The following MYH8 variants were observed in gnomAD, a reference collection of about 807,000 sequenced individuals.
MYH8 encodes myosin-8.
Under a neutral mutation model 233.2 loss-of-function variants are expected in MYH8, and 168 were observed. The observed-to-expected ratio is 0.72, with a 90% CI of 0.64 to 0.82. The LOEUF (loss-of-function observed/expected upper bound fraction) is 0.82, where lower values mean the gene tolerates loss of function less well. MYH8 is among the 40% of genes least tolerant of loss of function. The probability of loss-of-function intolerance (pLI) is 0.00; values close to 1 mark genes in which losing one functional copy is unlikely to be tolerated. For missense variants in MYH8, 1,995 were observed against 2,327.8 expected (o/e 0.86, Z 2.94); for synonymous variants, 785 against 850.6 (o/e 0.92, Z 1.34).
chr17:10,390,719 T>C, intron 39 of MYH8, 116 bp from the exon 40 acceptor site: 13 of 1,188,628 alleles, frequency 1.1e-5, no homozygotes, highest in Non-Finnish European at 1.6e-5. Flanking sequence ...ATTTAGCATA[T>C]CCGACTTTAA....
In MYH8 at chr17:10,417,546, G is replaced by A. The variant is rs1437491123; in HGVS notation, c.511+1099C>T. On this transcript the variant is annotated intron_variant, in intron 5 of 39. Coordinates refer to ENST00000403437, the MANE Select transcript of MYH8 (RefSeq NM_002472.3). This position sits in a 1 kb window ranked among gnomAD's most constrained non-coding sequence, Gnocchi z 4.1. Reference sequence around the variant, plus strand: ...AAAGGCTAGAGCTCTGTACCATTTTGTACAAAAATCATGTTTGGGAGCCAT... The same window carrying A: ...AAAGGCTAGAGCTCTGTACCATTTTATACAAAAATCATGTTTGGGAGCCAT... 6.6e-6 allele frequency among the ~76,000 whole-genome samples: 1 copy of A among 152,172 alleles called. No individual in the cohort carries two copies. Among genetic ancestry groups the A allele is most frequent in the Non-Finnish European group, 1.5e-5 (1 of 68,028 alleles).
rs1019644932 is a variant in MYH8, at chr17:10,413,888, G to A, written c.1147+14C>T. On this transcript the variant is annotated intron_variant, in intron 12 of 39. Transcript: ENST00000403437. ...CATTCTCTCATTAAACCCAGATAAA[G>A]TTTCATTTGGTACCTTCTGTGCCAT... is the stretch of plus-strand genomic sequence containing the variant. The A allele has an allele frequency of 1.2e-6, 2 of 1,613,928 alleles. No homozygotes were observed. Among genetic ancestry groups the A allele is most frequent in the South Asian group, 1.1e-5 (1 of 91,058 alleles).
rs370489044 is a variant in MYH8, at chr17:10,416,268, T to A, written c.512-560A>T. The stretch of plus-strand genomic sequence containing the variant: ...TGGTGTCCTCAAGGTTCATTCATAT[T>A]TTAGCATATGTCAGAGTTTCCTTCC... On this transcript the variant is annotated intron_variant, in intron 5 of 39. Transcript: ENST00000403437. 7.9e-5 allele frequency among the ~76,000 whole-genome samples: 12 copies of A among 152,336 alleles called. 1 individual carries two copies. In the South Asian group the frequency reaches 2.1e-3, roughly 26 times the overall value.
At chr17:10,405,062 G>A (rs150061142) in intron 21 of MYH8, among the ~76,000 whole-genome samples, 31 of 152,208 alleles carry the variant, frequency 2.0e-4, no homozygotes, top group East Asian at 7.7e-4. Flanking sequence ...TAAACTGAGC[G>A]AATGATTTGT....
chr17:10,401,306 G>A lies in MYH8; in HGVS notation c.3077C>T (p.Ala1026Val), dbSNP rs755347864. Residue 1026 changes from alanine (A) to valine (V), a missense_variant, in exon 24 of 40, where the codon GCT becomes GTT. Physicochemically the swap from Ala to Val is moderately conservative, Grantham distance 64 (BLOSUM62 0). Around this residue, in one of 3 missense-constraint regions of MYH8, gnomAD observed 1,498 missense variants for 1,680.9 expected, o/e 0.89. Coordinates refer to ENST00000403437, the MANE Select transcript of MYH8 (RefSeq NM_002472.3). ...CACTTGCTGTTCTAGCTTGGTTTTA[G>A]CTTTGGTCAGGATGTTGACTTTGTC... ...EEDKVNILTK[A>V]KTKLEQQVDD... 6.2e-7 allele frequency: 1 copy of A among 1,614,108 alleles called. No homozygotes were observed. The highest frequency in any genetic ancestry group is 8.5e-7 in the Non-Finnish European group (1 of 1,180,030).
In MYH8 at chr17:10,415,519, T is replaced by C. The variant is rs777624162; in HGVS notation, c.601A>G (p.Ile201Val). ...TTCTTCTTCTCTCCAGTAACTGCAA[T>C]TGTTGCAAAGTATTGGATGACACGC... ...TKRVIQYFAT[I>V]AVTGEKKKDE... The change falls in exon 7 of 40, where the codon ATT (isoleucine) becomes GTT (valine). Residue 201 changes from isoleucine (I) to valine (V), a missense_variant. Coordinates refer to ENST00000403437, the MANE Select transcript of MYH8 (RefSeq NM_002472.3). This position sits in a 1 kb window ranked among gnomAD's most constrained non-coding sequence, Gnocchi z 4.1. 2.5e-5 allele frequency: 41 copies of C among 1,614,094 alleles called. No individual in the cohort carries two copies. The East Asian group carries it at 4.5e-4, about 18-fold the overall frequency.
In MYH8 at chr17:10,396,779, T is replaced by TA; in HGVS notation, c.4362+23dup. The stretch of plus-strand genomic sequence containing the variant: ...AAAGGAAGACCGAGTAAAACACTCT[T>TA]AAAGTTTAAGCAGTCTGGGCCACCT... On this transcript the variant is annotated intron_variant, in intron 31 of 39. Transcript: ENST00000403437. The surrounding 1 kb of genome is among the most constrained non-coding windows in gnomAD (Gnocchi z 4.2). 2 of 1,614,228 alleles carry TA rather than the reference T, an allele frequency of 1.2e-6. No homozygotes were observed. Among genetic ancestry groups the TA allele is most frequent in the Non-Finnish European group, 1.7e-6 (2 of 1,180,032 alleles).
intron 14 of MYH8, among the ~76,000 whole-genome samples, chr17:10,411,851 C>T (rs984693197): frequency 5.3e-5 from 8 of 152,082 alleles, no homozygotes; most frequent in Admixed American, 1.3e-4. Flanking sequence ...ATAATTTACT[C>T]CTTTATTTTA....
Position 10,396,511 on chromosome 17 carries a change from C to A in MYH8, c.4528+42G>T, listed in dbSNP as rs370989945. ...AGAAAGATGGCAACATGGAAAGGTC[C>A]TCCCAGGGATATATGGAGTAGGGAG... is the stretch of plus-strand genomic sequence containing the variant. On this transcript the variant is annotated intron_variant, in intron 32 of 39. Coordinates refer to ENST00000403437, the MANE Select transcript of MYH8 (RefSeq NM_002472.3). This position sits in a 1 kb window ranked among gnomAD's most constrained non-coding sequence, Gnocchi z 4.2. The A allele has an allele frequency of 1.7e-5, 28 of 1,613,740 alleles. No homozygotes were observed. Among genetic ancestry groups the A allele is most frequent in the Non-Finnish European group, 2.2e-5 (26 of 1,179,882 alleles).
chr17:10,396,817 T>C lies in MYH8; in HGVS notation c.4348A>G (p.Arg1450Gly). Residue 1450 changes from arginine to glycine, a missense_variant, in exon 31 of 40, where the codon AGG becomes GGG. Physicochemically the swap from Arg to Gly is moderately radical, Grantham distance 125. Around this residue, in one of 3 missense-constraint regions of MYH8, gnomAD observed 1,498 missense variants for 1,680.9 expected, o/e 0.89. Transcript: ENST00000403437. The surrounding 1 kb of genome is among the most constrained non-coding windows in gnomAD (Gnocchi z 4.2). ...AACAALDKKQ[R>G]NFDKVLSEWK... ...GTCTGGGCCACCTTGTCAAAGTTCCTTTGCTTCTTATCAAGGGCTGCACAG... is the reference window on the plus strand; with the variant it reads ...GTCTGGGCCACCTTGTCAAAGTTCCCTTGCTTCTTATCAAGGGCTGCACAG... 1 of 1,614,214 alleles carries C rather than the reference T, an allele frequency of 6.2e-7. No homozygotes were observed.
At chr17:10,393,036 TTGA>T in intron 36 of MYH8, 35 bp from the exon 37 acceptor site, 1 of 1,614,212 alleles carries the variant, frequency 6.2e-7, no homozygotes, top group African/African-American at 1.3e-5. Flanking sequence ...GTAATGAAAC[TTGA>T]TGATAGCAGG....
chr17:10,418,604 C>G (rs746678232), intron 5 of MYH8, 41 bp downstream of exon 5: 6 of 1,612,806 alleles, frequency 3.7e-6, no homozygotes, highest in Non-Finnish European at 5.1e-6. Flanking sequence ...TGCAAAGATT[C>G]TATTTACACA....
At chr17:10,393,663 AT>A (rs2072050311) in intron 35 of MYH8, among the ~76,000 whole-genome samples, 1 of 152,208 alleles carries the variant, frequency 6.6e-6, no homozygotes, top group African/African-American at 2.4e-5. Context: ...TGTTCTTAAG[AT>A]TTCAACTCAG....
In MYH8 at chr17:10,416,763, C is replaced by T. The variant is rs28483876; in HGVS notation, c.512-1055G>A. Among the ~76,000 whole-genome samples, 1,319 of 152,230 alleles carry T rather than the reference C, an allele frequency of 8.7e-3. 17 individuals are homozygous for T. Among genetic ancestry groups the T allele is most frequent in the African/African-American group, 0.031 (1,268 of 41,532 alleles). On this transcript the variant is annotated intron_variant, in intron 5 of 39. Transcript: ENST00000403437. The stretch of plus-strand genomic sequence containing the variant: ...TCCCCATGTGCCCATCATACAGATG[C>T]AATGGTTATTAATATTTGGCCAATT...
intron 17 of MYH8, 94 bp from the exon 18 acceptor site, chr17:10,407,073 A>G (rs1000635142): frequency 1.3e-5 from 12 of 910,680 alleles, no homozygotes; most frequent in Non-Finnish European, 2.1e-5. Flanking sequence ...TCCTTTAACT[A>G]CTAGGCATGC....
chr17:10,416,137 C>T (rs893354428), intron 5 of MYH8, among the ~76,000 whole-genome samples: 1 of 152,138 alleles, frequency 6.6e-6, no homozygotes, highest in African/African-American at 2.4e-5. Flanking sequence ...CCCTGGCGCC[C>T]ACCATTCTAC....
At chr17:10,418,097 A>AT (rs1422508339) in intron 5 of MYH8, among the ~76,000 whole-genome samples, 1 of 152,158 alleles carries the variant, frequency 6.6e-6, no homozygotes, top group Non-Finnish European at 1.5e-5. Context: ...CTCAGAAAAG[A>AT]TTTTTTCCTT....
At chr17:10,409,686 A>C in intron 15 of MYH8, 98 bp from the exon 16 acceptor site, 1 of 1,485,220 alleles carries the variant, frequency 6.7e-7, no homozygotes, top group Admixed American at 1.8e-5. Flanking sequence ...ACCCCAATTA[A>C]ATATATGTAT....
Position 10,412,609 on chromosome 17 carries a change from C to T in MYH8, c.1266+1G>A. On this transcript the variant is annotated splice_donor_variant, in intron 13 of 39. Coordinates refer to ENST00000403437, the MANE Select transcript of MYH8 (RefSeq NM_002472.3). LOFTEE classifies it high-confidence loss of function. ...GTGATTCATTGAGGTCATGCACTTA[C>T]CTGCTGCACAGTCTGGCCTTTGGTG... The T allele has an allele frequency of 6.2e-7, 1 of 1,614,232 alleles. No homozygotes were observed. The highest frequency in any genetic ancestry group is 1.3e-5 in the African/African-American group (1 of 75,058).
Sources: allele counts gnomAD v4.1 joint callset (sites outside exome capture counted in the v4.1 genomes callset), GRCh38; gene constraint gnomAD v4.1.1; regional missense constraint gnomAD v4.1.1; non-coding constraint Gnocchi (gnomAD v3.1); transcripts MANE v1.5; gene names NCBI Gene and HGNC (gene_info 2026-07-23, HGNC 2026-07-21).